Variants in CXXC5 observed in about 807,000 individuals in gnomAD.
CXXC5 encodes the protein CXXC finger protein 5, also known as CXXC-type zinc finger protein 5.
A neutral mutation model predicts 17.6 loss-of-function variants in CXXC5; 2 were observed. That is an observed-to-expected ratio of 0.11 (90% confidence interval 0.05 to 0.36). CXXC5 has a LOEUF of 0.36. Among genes scored for constraint, CXXC5 ranks in the 10% least tolerant of loss-of-function variants. The pLI, the probability that CXXC5 is intolerant of heterozygous loss-of-function variation, is 1.00. For missense variants in CXXC5, 343 were observed against 458.3 expected (o/e 0.75, Z 2.30); for synonymous variants, 171 against 193.0 (o/e 0.89, Z 0.94).
intron 1 of CXXC5, among the ~76,000 whole-genome samples, chr5:139,678,089 C>T (rs961545112): frequency 1.3e-4 from 20 of 152,380 alleles, no homozygotes; most frequent in Non-Finnish European, 2.5e-4. Flanking sequence ...CACCTGCCTT[C>T]TGCCTTCTCC....
intron 1 of CXXC5, among the ~76,000 whole-genome samples, chr5:139,673,391 C>A (rs1336734793): frequency 6.6e-6 from 1 of 152,122 alleles, no homozygotes; most frequent in Non-Finnish European, 1.5e-5. Context: ...GAGGGAGGTG[C>A]CTATTGAGGA....
intron 1 of CXXC5, among the ~76,000 whole-genome samples, chr5:139,650,501 AAC>A (rs1196220811): frequency 5.3e-5 from 8 of 152,306 alleles, no homozygotes; most frequent in South Asian, 2.1e-4. Flanking sequence ...GCCGCCGGCA[AAC>A]AGAGTCCCTT....
intron 1 of CXXC5, among the ~76,000 whole-genome samples, chr5:139,675,918 G>A (rs1179297714): frequency 6.6e-6 from 1 of 152,076 alleles, no homozygotes; most frequent in Non-Finnish European, 1.5e-5. Flanking sequence ...CTGGCTAGAA[G>A]GGGGCAGGCT....
At chr5:139,655,665 G>A (rs920294245) in intron 1 of CXXC5, among the ~76,000 whole-genome samples, 1 of 151,566 alleles carries the variant, frequency 6.6e-6, no homozygotes, top group Non-Finnish European at 1.5e-5. Context: ...CTCTTTTGTT[G>A]GCCTCCTCCT....
chr5:139,653,493 G>T (rs1181552480), intron 1 of CXXC5, among the ~76,000 whole-genome samples: 1 of 152,182 alleles, frequency 6.6e-6, no homozygotes, highest in African/African-American at 2.4e-5. Flanking sequence ...TGTGTGTCTG[G>T]CTGCCAGATC....
At chr5:139,671,870 C>T (rs2126796290) in intron 1 of CXXC5, among the ~76,000 whole-genome samples, 1 of 152,364 alleles carries the variant, frequency 6.6e-6, no homozygotes, top group African/African-American at 2.4e-5. Flanking sequence ...AGGGTTGGAG[C>T]ACCAGGCCCT....
At chr5:139,677,981 T>G (rs1160851836) in intron 1 of CXXC5, among the ~76,000 whole-genome samples, 3 of 152,230 alleles carry the variant, frequency 2.0e-5, no homozygotes, top group Non-Finnish European at 4.4e-5. Flanking sequence ...AATGCAGCTA[T>G]CGATTTCTGC....
chr5:139,680,646 G>C lies in CXXC5; in HGVS notation c.123G>C (p.Val41=), dbSNP rs759345374. 5.6e-6 allele frequency: 9 copies of C among 1,611,682 alleles called. No individual in the cohort carries two copies. In the African/African-American group the frequency reaches 1.1e-4, roughly 19 times the overall value. ...KAGAADKSAV[V]AAAAPASVAD... is the part of the protein sequence containing the mutation. ...GAGCAGCAGACAAGAGTGCAGTGGT[G>C]GCTGCCGCCGCACCAGCCTCAGTGG... The change falls in exon 2 of 3, where the codon GTG becomes GTC. Residue 41 remains valine, a synonymous_variant. Transcript: ENST00000302517.
chr5:139,665,746 C>A (rs1392499239), intron 1 of CXXC5: 1 of 152,332 alleles, frequency 6.6e-6, no homozygotes. Context: ...AGACGTGCAG[C>A]TTCCGGGCAA....
intron 1 of CXXC5, among the ~76,000 whole-genome samples, chr5:139,655,028 G>A (rs541369324): frequency 6.6e-6 from 1 of 152,188 alleles, no homozygotes; most frequent in African/African-American, 2.4e-5. Flanking sequence ...GATGTCTCCC[G>A]CTCCTTCCCC....
intron 1 of CXXC5, among the ~76,000 whole-genome samples, chr5:139,672,596 T>G (rs569860418): frequency 3.9e-5 from 6 of 152,082 alleles, no homozygotes; most frequent in South Asian, 2.1e-4. Flanking sequence ...TCTCGGCCTC[T>G]GGGGCCTTCC....
intron 1 of CXXC5, among the ~76,000 whole-genome samples, chr5:139,672,638 G>C (rs1756548894): frequency 1.3e-5 from 2 of 152,198 alleles, no homozygotes; most frequent in South Asian, 4.1e-4. Flanking sequence ...GGGGATCGCT[G>C]TCTGGAATCC....
rs891577494 is a variant in CXXC5 at position 139,659,840 on chromosome 5, G to T, written c.-161+10995G>T. Among the ~76,000 whole-genome samples, 3 of 152,174 alleles carry T rather than the reference G, an allele frequency of 2.0e-5. No individual in the cohort carries two copies. The South Asian group carries it at 6.2e-4, about 31-fold the overall frequency. ...CCTCCTGCCCTTGCTTTCTCCCACTGCCCACCGAGCTTCTTGGTTGGCTCT... is the reference window on the plus strand; with the variant it reads ...CCTCCTGCCCTTGCTTTCTCCCACTTCCCACCGAGCTTCTTGGTTGGCTCT... On this transcript the variant is annotated intron_variant, in intron 1 of 2. Coordinates refer to ENST00000302517, the MANE Select transcript of CXXC5 (RefSeq NM_016463.9).
intron 1 of CXXC5, among the ~76,000 whole-genome samples, chr5:139,669,479 G>T (rs1285208416): frequency 6.6e-6 from 1 of 151,976 alleles, no homozygotes; most frequent in Admixed American, 6.6e-5. Flanking sequence ...ATCTGCAAGT[G>T]ACAAGACTTG....
At chr5:139,667,844 T>G (rs1756195767) in intron 1 of CXXC5, among the ~76,000 whole-genome samples, 1 of 152,192 alleles carries the variant, frequency 6.6e-6, no homozygotes, top group South Asian at 2.1e-4. Context: ...GCCATCCTTA[T>G]TATTACTACT....
chr5:139,671,979 T>C (rs1756496934), intron 1 of CXXC5, among the ~76,000 whole-genome samples: 1 of 152,226 alleles, frequency 6.6e-6, no homozygotes. Flanking sequence ...AGTTGCCTCA[T>C]CTGTAAAATG....
At chr5:139,681,966 T>A (rs1412052971) in intron 2 of CXXC5, among the ~76,000 whole-genome samples, 1 of 152,218 alleles carries the variant, frequency 6.6e-6, no homozygotes, top group East Asian at 1.9e-4. Flanking sequence ...TGCCCTGCTC[T>A]GAGGCCTGGA....
At chr5:139,681,602 C>T in intron 2 of CXXC5, 155 bp downstream of exon 2, 1 of 847,702 alleles carries the variant, frequency 1.2e-6, no homozygotes, top group South Asian at 2.1e-5. Flanking sequence ...CTTCAAGACA[C>T]CAGTTTACTG....
At chr5:139,679,723 A>G (rs535342851) in intron 1 of CXXC5, 3 of 152,314 alleles carry the variant, frequency 2.0e-5, no homozygotes, top group South Asian at 2.1e-4. Context: ...ATGCAGTGGC[A>G]TGATTATAAC....
Sources: allele counts gnomAD v4.1 joint callset (sites outside exome capture counted in the v4.1 genomes callset), GRCh38; gene constraint gnomAD v4.1.1; transcripts MANE v1.5; gene names NCBI Gene and HGNC (gene_info 2026-07-23, HGNC 2026-07-21).